SPATA6: variants seen among roughly 807,000 people sequenced by gnomAD.
SPATA6 encodes spermatogenesis-associated protein 6.
In SPATA6, 56 loss-of-function variants were observed where a neutral mutation model predicts 65.3. The observed-to-expected ratio is 0.86, with a 90% CI of 0.69 to 1.07. The LOEUF (loss-of-function observed/expected upper bound fraction) is 1.07, where lower values mean the gene tolerates loss of function less well. Ranked by LOEUF, SPATA6 falls within the 50% of genes least tolerant of loss-of-function variation. The pLI, the probability that SPATA6 is intolerant of heterozygous loss-of-function variation, is 0.00. For missense variants in SPATA6, 590 were observed against 594.8 expected (o/e 0.99, Z 0.08); for synonymous variants, 199 against 213.2 (o/e 0.93, Z 0.58).
At chr1:48,281,316 G>A in the SPATA6 span, among the ~76,000 whole-genome samples, 1 of 151,160 alleles carries the variant, frequency 6.6e-6, no homozygotes, top group South Asian at 2.1e-4. Context: ...TCAACATAGT[G>A]TTGGAAGTTC....
chr1:48,321,675 T>C (rs1481049905), intron 11 of SPATA6, among the ~76,000 whole-genome samples: 2 of 152,136 alleles, frequency 1.3e-5, no homozygotes, highest in Non-Finnish European at 2.9e-5. Flanking sequence ...ATAAACCTAA[T>C]AGATATTTAC....
chr1:48,452,286 A>C (rs968958559), intron 2 of SPATA6, among the ~76,000 whole-genome samples: 2 of 152,226 alleles, frequency 1.3e-5, no homozygotes, highest in Non-Finnish European at 2.9e-5. Flanking sequence ...AAAGAAGGAA[A>C]TTAAAAAGTA....
At chr1:48,274,035 T>C in the SPATA6 span, among the ~76,000 whole-genome samples, 1 of 152,138 alleles carries the variant, frequency 6.6e-6, no homozygotes, top group Non-Finnish European at 1.5e-5. Flanking sequence ...GATCGCCATT[T>C]TAACTGGCAT....
intron 7 of SPATA6, among the ~76,000 whole-genome samples, chr1:48,398,488 A>G (rs1377308764): frequency 6.6e-6 from 1 of 151,820 alleles, no homozygotes; most frequent in East Asian, 1.9e-4. Flanking sequence ...AAAATGAATT[A>G]AAGACATTAG....
chr1:48,431,062 T>C (rs531510542), intron 3 of SPATA6, among the ~76,000 whole-genome samples: 1 of 152,038 alleles, frequency 6.6e-6, no homozygotes, highest in Non-Finnish European at 1.5e-5. Flanking sequence ...ATTTTAAAAG[T>C]GAAAGGATGG....
chr1:48,428,805 G>GTA (rs1345556383), intron 3 of SPATA6, among the ~76,000 whole-genome samples: 3 of 112,714 alleles, frequency 2.7e-5, no homozygotes, highest in African/African-American at 1.0e-4. Flanking sequence ...GTGTGTGTGT[G>GTA]TGTGTATATG....
chr1:48,425,826 AAATCAAAATGTAAAAGGT>A (rs776392438), intron 3 of SPATA6, among the ~76,000 whole-genome samples: 19 of 152,144 alleles, frequency 1.2e-4, no homozygotes, highest in Non-Finnish European at 2.5e-4. Flanking sequence ...GGTGGACTAT[AAATCAAAATGTAAAAGGT>A]AAAAAAAATG....
At chr1:48,323,842 T>A (rs1645675822) in intron 11 of SPATA6, among the ~76,000 whole-genome samples, 1 of 152,148 alleles carries the variant, frequency 6.6e-6, no homozygotes, top group Non-Finnish European at 1.5e-5. Context: ...TACGTAATAA[T>A]ATGAAAACTG....
chr1:48,287,082 C>G, the SPATA6 span, among the ~76,000 whole-genome samples: 1 of 150,024 alleles, frequency 6.7e-6, no homozygotes, highest in Non-Finnish European at 1.5e-5. Context: ...CACTGTTTTG[C>G]AGGCTGTAAG....
intron 11 of SPATA6, among the ~76,000 whole-genome samples, chr1:48,336,012 C>T (rs554140753): frequency 1.5e-4 from 23 of 151,914 alleles, no homozygotes; most frequent in African/African-American, 5.5e-4. Context: ...TACAATGCAC[C>T]AAAAAGCATA....
intron 11 of SPATA6, among the ~76,000 whole-genome samples, chr1:48,315,207 C>A (rs1281045091): frequency 6.6e-6 from 1 of 152,178 alleles, no homozygotes; most frequent in Non-Finnish European, 1.5e-5. Context: ...CGAGCATCAT[C>A]CTGATACCAA....
At chr1:48,425,925 AAAC>A (rs1303378468) in intron 3 of SPATA6, among the ~76,000 whole-genome samples, 8 of 152,144 alleles carry the variant, frequency 5.3e-5, no homozygotes, top group Non-Finnish European at 1.2e-4. Flanking sequence ...AATGAAAAAA[AAAC>A]AAGCAGTAGG....
chr1:48,417,339 A>G (rs1287669907), intron 3 of SPATA6, among the ~76,000 whole-genome samples: 2 of 152,244 alleles, frequency 1.3e-5, no homozygotes, highest in East Asian at 1.9e-4. Context: ...AATGTGAAAT[A>G]CCTAGAACAA....
chr1:48,331,933 G>A (rs916530039), intron 11 of SPATA6, among the ~76,000 whole-genome samples: 2 of 152,054 alleles, frequency 1.3e-5, no homozygotes, highest in Non-Finnish European at 2.9e-5. Context: ...CAGTCGTAAA[G>A]AAAAAAATTC....
At chr1:48,301,182 G>A (rs1190487356) in intron 12 of SPATA6, among the ~76,000 whole-genome samples, 1 of 151,820 alleles carries the variant, frequency 6.6e-6, no homozygotes, top group Non-Finnish European at 1.5e-5. Context: ...AACACATTTA[G>A]TAAGGTTGCA....
intron 9 of SPATA6, among the ~76,000 whole-genome samples, chr1:48,370,789 T>C (rs938668578): frequency 1.6e-4 from 24 of 152,288 alleles, no homozygotes; most frequent in Admixed American, 2.6e-4. Context: ...ACCAATTATA[T>C]ATGAGGGATC....
intron 3 of SPATA6, among the ~76,000 whole-genome samples, chr1:48,427,467 A>G (rs1653950657): frequency 6.6e-6 from 1 of 151,826 alleles, no homozygotes; most frequent in African/African-American, 2.4e-5. Flanking sequence ...GAATACTACA[A>G]ACTATCGTTC....
the SPATA6 span, among the ~76,000 whole-genome samples, chr1:48,278,098 C>A: frequency 6.6e-6 from 1 of 152,174 alleles, no homozygotes; most frequent in Non-Finnish European, 1.5e-5. Context: ...CTAGCAAACT[C>A]CAACAGACCT....
chr1:48,270,896 T>C, the SPATA6 span, among the ~76,000 whole-genome samples: 8 of 152,146 alleles, frequency 5.3e-5, no homozygotes, highest in Non-Finnish European at 1.0e-4. Context: ...ATGATTTTGT[T>C]TGAATATTCA....
Sources: allele counts gnomAD v4.1 joint callset (sites outside exome capture counted in the v4.1 genomes callset), GRCh38; gene constraint gnomAD v4.1.1; transcripts MANE v1.5; gene names NCBI Gene and HGNC (gene_info 2026-07-23, HGNC 2026-07-21).